The following TMLHE variants were observed in gnomAD, a reference collection of about 807,000 sequenced individuals.
TMLHE encodes trimethyllysine dioxygenase, mitochondrial.
In TMLHE, 18 loss-of-function variants were observed where a neutral mutation model predicts 25.7. The observed-to-expected ratio is 0.70, with a 90% CI of 0.48 to 1.04. TMLHE has a LOEUF of 1.04. Among genes scored for constraint, TMLHE ranks in the 50% least tolerant of loss-of-function variants. TMLHE has a pLI of 0.00. For missense variants in TMLHE, 236 were observed against 259.0 expected (o/e 0.91, Z 0.61); for synonymous variants, 105 against 97.0 (o/e 1.08, Z -0.49).
intron 2 of TMLHE, among the ~76,000 whole-genome samples, chrX:155,532,280 A>G (rs1180267539): frequency 8.9e-6 from 1 of 112,253 alleles, no homozygotes; most frequent in African/African-American, 3.2e-5. Context: ...TGAGAATATT[A>G]CAGAAAATCC....
intron 1 of TMLHE, among the ~76,000 whole-genome samples, chrX:155,578,266 C>T (rs901984474): frequency 8.1e-5 from 9 of 111,580 alleles, no homozygotes; most frequent in Non-Finnish European, 1.3e-4. Flanking sequence ...AATATCCTGC[C>T]GGCAGCCTGG....
intron 1 of TMLHE, among the ~76,000 whole-genome samples, chrX:155,556,022 T>TAA (rs2067452116): frequency 1.8e-5 from 2 of 111,054 alleles, no homozygotes; most frequent in Admixed American, 9.6e-5. Flanking sequence ...TTTAAGTCTT[T>TAA]AATCCATCTT....
At chrX:155,536,458 G>A (rs2067279660) in intron 2 of TMLHE, among the ~76,000 whole-genome samples, 1 of 111,185 alleles carries the variant, frequency 9.0e-6, no homozygotes, top group Non-Finnish European at 1.9e-5. Flanking sequence ...AAGCAGTGTA[G>A]TAGTGGAATA....
chrX:155,606,673 G>A (rs1448608168), intron 1 of TMLHE, among the ~76,000 whole-genome samples: 3 of 109,558 alleles, frequency 2.7e-5, no homozygotes, highest in Non-Finnish European at 5.7e-5. Flanking sequence ...CAATGAGGCT[G>A]GTTCCTTGAA....
Position 155,581,769 on chromosome X carries a change from A to G in TMLHE, c.-2+31023T>C, listed in dbSNP as rs988490952. On this transcript the variant is annotated intron_variant, in intron 1 of 7. Coordinates refer to ENST00000334398, the MANE Select transcript of TMLHE (RefSeq NM_018196.4). ...CTGCCCAAGGTAATTTATAGATTCA[A>G]TGCCATCCCCATCAAGCTACCAATG... Among the ~76,000 whole-genome samples, 5 of 112,258 alleles carry G rather than the reference A, an allele frequency of 4.5e-5. No individual in the cohort carries two copies. The East Asian group carries it at 1.4e-3, about 31-fold the overall frequency.
In TMLHE at chrX:155,570,312, C is replaced by A. The variant is rs1236082172; in HGVS notation, c.-1-25035G>T. 7.3e-5 allele frequency among the ~76,000 whole-genome samples: 4 copies of A among 54,532 alleles called. 1 individual carries two copies. The highest frequency in any genetic ancestry group is 1.9e-4 in the Non-Finnish European group (4 of 21,243). 47.4% of individuals were successfully genotyped at this position (54,532 alleles called of 115,157 possible). Reference sequence around the variant, plus strand: ...ATGCTAAATATATATGCACCCAATACAGGAGCACCCAGATTCATAAAGCAA... The same window carrying A: ...ATGCTAAATATATATGCACCCAATAAAGGAGCACCCAGATTCATAAAGCAA... On this transcript the variant is annotated intron_variant, in intron 1 of 7. Coordinates refer to ENST00000334398, the MANE Select transcript of TMLHE (RefSeq NM_018196.4).
chrX:155,504,756 T>C (rs1163787458), intron 6 of TMLHE, among the ~76,000 whole-genome samples: 1 of 111,491 alleles, frequency 9.0e-6, no homozygotes, highest in Non-Finnish European at 1.9e-5. Flanking sequence ...AGCAACTTTA[T>C]TCATAATAAC....
Position 155,512,252 on chromosome X carries a change from G to A in TMLHE, c.639-460C>T, listed in dbSNP as rs782089211. Among the ~76,000 whole-genome samples the A allele has an allele frequency of 3.5e-4, 38 of 108,472 alleles. 1 individual carries two copies. Among genetic ancestry groups the A allele is most frequent in the African/African-American group, 1.1e-3 (32 of 29,248 alleles). The allele number at this position is 108,472 out of a possible 115,157, so 94.2% of individuals were successfully genotyped here. A position where few individuals can be genotyped will look rare whatever the true frequency, so the allele number is the denominator to read the frequency against. ...TACATATGTATACATGTGCCATGCT[G>A]GTGCGCTGCACCCACTAACTCATCA... On this transcript the variant is annotated intron_variant, in intron 4 of 7. Coordinates refer to ENST00000334398, the MANE Select transcript of TMLHE (RefSeq NM_018196.4).
At chrX:155,523,563 T>C (rs1330933689) in intron 3 of TMLHE, among the ~76,000 whole-genome samples, 1 of 111,943 alleles carries the variant, frequency 8.9e-6, no homozygotes, top group Non-Finnish European at 1.9e-5. Context: ...CACATTGTCT[T>C]GATTACTGCA....
rs1480634401 is a variant in TMLHE, at chrX:155,612,775, C to T, written c.-2+17G>A. 8.9e-6 allele frequency: 1 copy of T among 112,327 alleles called. No individual in the cohort carries two copies. Among genetic ancestry groups the T allele is most frequent in the South Asian group, 3.8e-4 (1 of 2,621 alleles). The allele number at this position is 112,327 out of a possible 1,213,427, so 9.3% of individuals were successfully genotyped here. ...CCATGGGGACACCCCTTCCCTGACC[C>T]ACGGGACGGAACCCACCTGTGCTGG... On this transcript the variant is annotated intron_variant, in intron 1 of 7. Coordinates refer to ENST00000334398, the MANE Select transcript of TMLHE (RefSeq NM_018196.4).
chrX:155,584,519 C>T (rs1479940939), intron 1 of TMLHE, among the ~76,000 whole-genome samples: 1 of 110,820 alleles, frequency 9.0e-6, no homozygotes, highest in East Asian at 2.8e-4. Flanking sequence ...GGGGCTCAAA[C>T]ATCCCCAGAA....
At chrX:155,547,409 C>T (rs1001692258) in intron 1 of TMLHE, among the ~76,000 whole-genome samples, 4 of 111,625 alleles carry the variant, frequency 3.6e-5, no homozygotes, top group Non-Finnish European at 7.5e-5. Flanking sequence ...TCCCAAAGTG[C>T]TGGGATTACA....
rs1364566849 is a variant in TMLHE at position 155,556,707 on chromosome X, G to C, written c.-1-11430C>G. Among the ~76,000 whole-genome samples the C allele has an allele frequency of 3.5e-4, 39 of 110,066 alleles. 1 individual carries two copies. The Admixed American group carries it at 3.6e-3, about 10-fold the overall frequency. ...TGTCGTTGATAACATCTTATCAGGG[G>C]ACAGGGTTTTGAGATCAACCGGTCT... On this transcript the variant is annotated intron_variant, in intron 1 of 7. Coordinates refer to ENST00000334398, the MANE Select transcript of TMLHE (RefSeq NM_018196.4).
chrX:155,529,070 C>T (rs887234979), intron 2 of TMLHE, among the ~76,000 whole-genome samples: 1 of 112,128 alleles, frequency 8.9e-6, no homozygotes, highest in Non-Finnish European at 1.9e-5. Context: ...CTCTCACATT[C>T]ACTTTCATTG....
At chrX:155,527,661 A>G (rs2067227625) in intron 2 of TMLHE, among the ~76,000 whole-genome samples, 1 of 112,309 alleles carries the variant, frequency 8.9e-6, no homozygotes, top group African/African-American at 3.2e-5. Context: ...AATTTACAAA[A>G]GAAAAGAAAA....
intron 1 of TMLHE, among the ~76,000 whole-genome samples, chrX:155,557,379 G>C (rs1557341049): frequency 8.9e-6 from 1 of 112,003 alleles, no homozygotes; most frequent in Non-Finnish European, 1.9e-5. Flanking sequence ...CCCTCCGTTT[G>C]GGGCCCCTCA....
chrX:155,561,668 T>C (rs781887845), intron 1 of TMLHE, among the ~76,000 whole-genome samples: 1 of 62,171 alleles, frequency 1.6e-5, no homozygotes, highest in South Asian at 9.6e-4. Context: ...AGTTAGTCAC[T>C]TCCAAGATAC....
chrX:155,574,424 C>G (rs2067577552), intron 1 of TMLHE, among the ~76,000 whole-genome samples: 1 of 112,206 alleles, frequency 8.9e-6, no homozygotes, highest in African/African-American at 3.2e-5. Context: ...TGCAGATCCA[C>G]TTTTCAAAGG....
chrX:155,571,056 G>C (rs1603072888), intron 1 of TMLHE, among the ~76,000 whole-genome samples: 1 of 56,696 alleles, frequency 1.8e-5, no homozygotes, highest in Non-Finnish European at 4.6e-5. Flanking sequence ...CTGGTTTTTT[G>C]AAAGGATCAA....
Sources: allele counts gnomAD v4.1 joint callset (sites outside exome capture counted in the v4.1 genomes callset), GRCh38; gene constraint gnomAD v4.1.1; transcripts MANE v1.5; gene names NCBI Gene and HGNC (gene_info 2026-07-23, HGNC 2026-07-21).